The following RGS5 variants were observed in gnomAD, a reference collection of about 807,000 sequenced individuals.
RGS5 encodes regulator of G protein signaling 5, also known as regulator of G-protein signalling 5.
RGS5 carries 20 observed loss-of-function variants against 18.9 expected under a neutral mutation model. The observed-to-expected ratio is 1.06, with a 90% CI of 0.74 to 1.54. RGS5 has a LOEUF of 1.54. Ranked by LOEUF, RGS5 falls within the 40% of genes most tolerant of loss-of-function variation. The pLI is 0.00. For missense variants in RGS5, 201 were observed against 211.8 expected (o/e 0.95, Z 0.32); for synonymous variants, 57 against 76.2 (o/e 0.75, Z 1.31).
At chr1:163,307,355 T>C (rs544895974) in intron 1 of RGS5, among the ~76,000 whole-genome samples, 2 of 152,214 alleles carry the variant, frequency 1.3e-5, no homozygotes, top group Non-Finnish European at 2.9e-5. Flanking sequence ...GGTAAAATAG[T>C]TGGAGAACTT....
At chr1:163,185,728 A>G (rs1659042128) in intron 1 of RGS5, among the ~76,000 whole-genome samples, 1 of 152,230 alleles carries the variant, frequency 6.6e-6, no homozygotes, top group South Asian at 2.1e-4. Flanking sequence ...ACTAAGAAAA[A>G]GCAAACATTA....
At chr1:163,174,949 A>G (rs1204613945) in intron 1 of RGS5, among the ~76,000 whole-genome samples, 3 of 152,202 alleles carry the variant, frequency 2.0e-5, no homozygotes, top group African/African-American at 7.2e-5. Flanking sequence ...CGGATAATCC[A>G]ATTTAAATTC....
Position 163,224,519 on chromosome 1 carries a change from G to A in RGS5, c.-280-56151C>T, listed in dbSNP as rs148486411. On this transcript the variant is annotated intron_variant, in intron 2 of 5. Coordinates refer to the RGS5 transcript ENST00000618415. ...ATAGTGCTGTAATAAAGATGGGAGTGCAGATATCTCTTCGACATGCTGATT... is the reference window on the plus strand; with the variant it reads ...ATAGTGCTGTAATAAAGATGGGAGTACAGATATCTCTTCGACATGCTGATT... 2.7e-3 allele frequency among the ~76,000 whole-genome samples: 413 copies of A among 152,274 alleles called. 3 individuals are homozygous for A. Among genetic ancestry groups the A allele is most frequent in the African/African-American group, 9.3e-3 (386 of 41,544 alleles).
At chr1:163,286,036 C>G (rs1649136409) in intron 2 of RGS5, among the ~76,000 whole-genome samples, 1 of 151,606 alleles carries the variant, frequency 6.6e-6, no homozygotes, top group African/African-American at 2.4e-5. Context: ...AGACACACCC[C>G]ACTATATATA....
rs144386040 is a variant in RGS5 at position 163,229,814 on chromosome 1, T to C, written c.-280-61446A>G. ...TACTCTCCTTACGTCCTTCCTGCTT[T>C]ATTGTCTGATTACTCCCACTAACAT... On this transcript the variant is annotated intron_variant, in intron 2 of 5. Coordinates refer to the RGS5 transcript ENST00000618415. 2.3e-3 allele frequency among the ~76,000 whole-genome samples: 353 copies of C among 152,352 alleles called. 3 individuals carry two copies. Among genetic ancestry groups the C allele is most frequent in the African/African-American group, 8.3e-3 (347 of 41,584 alleles).
intron 2 of RGS5, among the ~76,000 whole-genome samples, chr1:163,288,057 A>T (rs1022317735): frequency 6.6e-6 from 1 of 151,834 alleles, no homozygotes; most frequent in African/African-American, 2.4e-5. Context: ...AAACGTATTA[A>T]TTTTTTTTCT....
At chr1:163,262,023 T>TA (rs1648450777) in intron 2 of RGS5, among the ~76,000 whole-genome samples, 1 of 152,080 alleles carries the variant, frequency 6.6e-6, no homozygotes, top group Non-Finnish European at 1.5e-5. Flanking sequence ...TCAGATAATC[T>TA]ACTCCATAAT....
At chr1:163,321,118 A>C (rs1650192625) in intron 1 of RGS5, 1 of 152,280 alleles carries the variant, frequency 6.6e-6, no homozygotes, top group Non-Finnish European at 1.5e-5. Context: ...CATGTAAAAA[A>C]ATACAGATTT....
At position 163,268,451 on chromosome 1, in the gene RGS5, C is replaced by T. The variant is rs979768865; in HGVS notation, c.-281+37782G>A. ...ATTTTCTGTATTCTTGATGCTCTTG[C>T]ATTTAAGGCCTTGATCCTGGAGAGA... is the stretch of plus-strand genomic sequence containing the variant. On this transcript the variant is annotated intron_variant, in intron 2 of 5. Transcript: ENST00000618415. Among the ~76,000 whole-genome samples the T allele has an allele frequency of 3.3e-5, 5 of 152,232 alleles. No individual in the cohort carries two copies. The South Asian group carries it at 1.0e-3, about 32-fold the overall frequency.
intron 1 of RGS5, among the ~76,000 whole-genome samples, chr1:163,195,498 C>T (rs1413548473): frequency 6.6e-6 from 1 of 151,672 alleles, no homozygotes; most frequent in Non-Finnish European, 1.5e-5. Flanking sequence ...GTGAAGGGTG[C>T]CCTGAAATTT....
upstream of RGS5, among the ~76,000 whole-genome samples, chr1:163,204,391 A>G (rs1659890910): frequency 6.6e-6 from 1 of 151,998 alleles, no homozygotes. Flanking sequence ...TACCCAGACC[A>G]GAGACTGGAG....
intron 1 of RGS5, among the ~76,000 whole-genome samples, chr1:163,192,451 G>T (rs1162323710): frequency 6.6e-6 from 1 of 152,110 alleles, no homozygotes; most frequent in African/African-American, 2.4e-5. Context: ...TTCCCACTTA[G>T]TATAAAATCC....
In RGS5 at chr1:163,182,028, G is replaced by A. The variant is rs145138619; in HGVS notation, c.45-13660C>T. ...ATTAATAGGTTTAGCATGGAACTTG[G>A]TGTATAGTATTATAAATACTCAATA... is the stretch of plus-strand genomic sequence containing the variant. On this transcript the variant is annotated intron_variant, in intron 1 of 4. Coordinates refer to ENST00000313961, the MANE Select transcript of RGS5 (RefSeq NM_003617.4). Among the ~76,000 whole-genome samples, 920 of 152,156 alleles carry A rather than the reference G, an allele frequency of 6.0e-3. 16 individuals carry two copies. Among genetic ancestry groups the A allele is most frequent in the African/African-American group, 0.021 (867 of 41,492 alleles).
rs567900671 is a variant in RGS5 at position 163,295,211 on chromosome 1, T to C, written c.-281+11022A>G. Among the ~76,000 whole-genome samples, 5 of 152,294 alleles carry C rather than the reference T, an allele frequency of 3.3e-5. No individual in the cohort carries two copies. The East Asian group carries it at 9.6e-4, about 29-fold the overall frequency. On this transcript the variant is annotated intron_variant, in intron 2 of 5. Coordinates refer to the RGS5 transcript ENST00000618415. Reference sequence around the variant, plus strand: ...TTATAGGAGCACCCCAGTCTACCAGTACCAATTAACTGTATTAGTCTGTTC... The same window carrying C: ...TTATAGGAGCACCCCAGTCTACCAGCACCAATTAACTGTATTAGTCTGTTC...
chr1:163,292,323 T>A (rs1649309516), intron 2 of RGS5, among the ~76,000 whole-genome samples: 1 of 152,196 alleles, frequency 6.6e-6, no homozygotes, highest in South Asian at 2.1e-4. Flanking sequence ...TCCAACTCCA[T>A]CCATGTCCCT....
chr1:163,180,684 C>CTTTTTTT lies in RGS5; in HGVS notation c.45-12317_45-12316insAAAAAAA, dbSNP rs1429373041. ...GCCCCTTTGTAATAAAGCCCTTACC[C>CTTTTTTT]TGTTTTTTTTTTTTTTTTTTTTTTT... On this transcript the variant is annotated intron_variant, in intron 1 of 4. Coordinates refer to ENST00000313961, the MANE Select transcript of RGS5 (RefSeq NM_003617.4). 2.9e-4 allele frequency among the ~76,000 whole-genome samples: 24 copies of CTTTTTTT among 81,892 alleles called. 1 individual carries two copies. In the South Asian group the frequency reaches 9.2e-3, roughly 31 times the overall value. The allele number at this position is 81,892 out of a possible 152,430, so 53.7% of individuals were successfully genotyped here.
intron 2 of RGS5, among the ~76,000 whole-genome samples, chr1:163,245,576 G>A (rs1361278578): frequency 6.6e-6 from 1 of 152,030 alleles, no homozygotes; most frequent in Admixed American, 6.6e-5. Context: ...TGAAATGCCT[G>A]GCATAGTGAT....
intron 2 of RGS5, among the ~76,000 whole-genome samples, chr1:163,278,756 C>T (rs1194149666): frequency 6.6e-6 from 1 of 151,992 alleles, no homozygotes; most frequent in African/African-American, 2.4e-5. Context: ...AATAGACTGG[C>T]TGAGTGAATT....
chr1:163,245,149 A>C (rs965542668), intron 2 of RGS5: 3 of 152,226 alleles, frequency 2.0e-5, no homozygotes, highest in Non-Finnish European at 2.9e-5. Context: ...CAGAATATTC[A>C]TAGCTTTAAA....
Sources: allele counts gnomAD v4.1 joint callset (sites outside exome capture counted in the v4.1 genomes callset), GRCh38; gene constraint gnomAD v4.1.1; transcripts MANE v1.5; gene names NCBI Gene and HGNC (gene_info 2026-07-23, HGNC 2026-07-21).